FAM222B: variants seen among roughly 807,000 people sequenced by gnomAD.
FAM222B encodes the protein protein FAM222B.
Under a neutral mutation model 38.0 loss-of-function variants are expected in FAM222B, and 12 were observed. That is an observed-to-expected ratio of 0.32 (90% CI 0.20 to 0.51). FAM222B has a LOEUF of 0.51. FAM222B is among the 20% of genes least tolerant of loss of function. FAM222B has a pLI of 0.97. For synonymous variants in FAM222B, 329 were observed against 317.2 expected (o/e 1.04, Z -0.40); for missense variants, 716 against 754.2 (o/e 0.95, Z 0.59).
At chr17:28,792,455 G>T (rs1033379079) in intron 1 of FAM222B, among the ~76,000 whole-genome samples, 1 of 152,044 alleles carries the variant, frequency 6.6e-6, no homozygotes, top group African/African-American at 2.4e-5. Context: ...ACTCCAGCCT[G>T]GGCGACAGAG....
chr17:28,787,826 C>CTTTTTTTTTT (rs59467944), intron 1 of FAM222B, among the ~76,000 whole-genome samples: 2 of 130,190 alleles, frequency 1.5e-5, no homozygotes, highest in African/African-American at 3.0e-5. Flanking sequence ...ATAAAGTAGT[C>CTTTTTTTTTT]TTTTTTTTTT....
chr17:28,810,154 G>A (rs1485730080), intron 1 of FAM222B, among the ~76,000 whole-genome samples: 1 of 151,650 alleles, frequency 6.6e-6, no homozygotes, highest in Admixed American at 6.6e-5. Flanking sequence ...GCACCACCAC[G>A]CCCAGCTAAT....
rs142792320 is a variant in FAM222B at position 28,854,777 on chromosome 17, A to ACG, written c.-41+172_-41+173insCG. On this transcript the variant is annotated intron_variant, in intron 1 of 2. Coordinates refer to the FAM222B transcript ENST00000577513. ...ACATGGCCAGAAGGGCCGTTTACAA[A>ACG]ACTTTGGCAGAAGAAAAAAATACGT... is the stretch of plus-strand genomic sequence containing the variant. Among the ~76,000 whole-genome samples the ACG allele has an allele frequency of 8.6e-3, 1,313 of 152,304 alleles. 8 individuals carry two copies. Among genetic ancestry groups the ACG allele is most frequent in the Non-Finnish European group, 0.014 (970 of 68,014 alleles).
intron 1 of FAM222B, among the ~76,000 whole-genome samples, chr17:28,792,249 T>C (rs1172030396): frequency 6.6e-6 from 1 of 150,904 alleles, no homozygotes; most frequent in Non-Finnish European, 1.5e-5. Context: ...GAGGCGGAGC[T>C]TGCAGTGAGC....
chr17:28,837,436 A>AT (rs1286111417), intron 1 of FAM222B, among the ~76,000 whole-genome samples: 2 of 151,214 alleles, frequency 1.3e-5, no homozygotes, highest in Admixed American at 6.6e-5. Context: ...TCTCAAAAAA[A>AT]AAAAAAATAA....
chr17:28,770,949 T>A lies in FAM222B; in HGVS notation c.-40-4242A>T, dbSNP rs1401195838. ...TATGATTAAGAGGCAATTATATATA[T>A]ATATGTGTGTGTGTATAAATATGTG... On this transcript the variant is annotated intron_variant, in intron 1 of 2. Coordinates refer to ENST00000581407, the MANE Select transcript of FAM222B (RefSeq NM_001077498.3). Among the ~76,000 whole-genome samples the A allele has an allele frequency of 3.3e-5, 5 of 151,782 alleles. No homozygotes were observed. The East Asian group carries it at 7.7e-4, about 23-fold the overall frequency.
At chr17:28,849,149 T>TA (rs1302468169) in intron 1 of FAM222B, 5 of 151,546 alleles carry the variant, frequency 3.3e-5, no homozygotes, top group Non-Finnish European at 7.4e-5. Flanking sequence ...TAGTCCCAGC[T>TA]ACTGGGGAGG....
chr17:28,778,718 TA>T (rs1368854915), intron 1 of FAM222B, among the ~76,000 whole-genome samples: 447 of 75,644 alleles, frequency 5.9e-3, no homozygotes, highest in African/African-American at 0.013. Flanking sequence ...TATATATATA[TA>T]TTTTTTTTTT....
chr17:28,800,645 C>CTTT (rs1398862532), intron 1 of FAM222B, among the ~76,000 whole-genome samples: 1 of 152,028 alleles, frequency 6.6e-6, no homozygotes, highest in Non-Finnish European at 1.5e-5. Context: ...AGTCAAAGGA[C>CTTT]TTTTCTTAAA....
chr17:28,801,840 T>C (rs2037245649), intron 1 of FAM222B, among the ~76,000 whole-genome samples: 1 of 152,034 alleles, frequency 6.6e-6, no homozygotes, highest in South Asian at 2.1e-4. Context: ...ATGGTAGAAG[T>C]GCTTAGCTTT....
At chr17:28,779,923 G>A (rs2036091953) in intron 1 of FAM222B, among the ~76,000 whole-genome samples, 2 of 151,636 alleles carry the variant, frequency 1.3e-5, no homozygotes, top group South Asian at 4.2e-4. Context: ...ACGGTGGACA[G>A]CTGAATGCTT....
intron 1 of FAM222B, among the ~76,000 whole-genome samples, chr17:28,800,016 G>C (rs556764640): frequency 6.6e-6 from 1 of 151,802 alleles, no homozygotes; most frequent in South Asian, 2.1e-4. Context: ...CATTTCTCTG[G>C]TTGAGCAATG....
At chr17:28,821,745 T>C (rs537414621) in intron 1 of FAM222B, among the ~76,000 whole-genome samples, 1 of 152,016 alleles carries the variant, frequency 6.6e-6, no homozygotes, top group Non-Finnish European at 1.5e-5. Flanking sequence ...GTGGATCACA[T>C]GAGGTCAGGA....
At chr17:28,767,189 CTT>C (rs1471113177) in intron 1 of FAM222B, 3 of 153,160 alleles carry the variant, frequency 2.0e-5, no homozygotes, top group East Asian at 1.9e-4. Flanking sequence ...GAGTTTCACT[CTT>C]GTTGCCCAGG....
At chr17:28,816,698 C>A (rs2038038692) in intron 1 of FAM222B, among the ~76,000 whole-genome samples, 1 of 152,074 alleles carries the variant, frequency 6.6e-6, no homozygotes, top group African/African-American at 2.4e-5. Context: ...AAGACAATTT[C>A]CTCATAAAGA....
chr17:28,798,749 C>T (rs1292462300), intron 1 of FAM222B, among the ~76,000 whole-genome samples: 2 of 150,406 alleles, frequency 1.3e-5, no homozygotes, highest in Non-Finnish European at 3.0e-5. Flanking sequence ...ATTCTCCTGT[C>T]TCAGCCTCCT....
chr17:28,835,792 C>T (rs1224419007), intron 1 of FAM222B, among the ~76,000 whole-genome samples: 1 of 152,060 alleles, frequency 6.6e-6, no homozygotes, highest in Non-Finnish European at 1.5e-5. Context: ...CCACCTCAGC[C>T]TCCCAAGTAC....
intron 1 of FAM222B, among the ~76,000 whole-genome samples, chr17:28,816,660 AC>A (rs1483006406): frequency 1.3e-5 from 2 of 152,158 alleles, no homozygotes; most frequent in Non-Finnish European, 2.9e-5. Flanking sequence ...CAATGATTGC[AC>A]CCGAAAAGAA....
At chr17:28,854,295 G>T (rs535659503) in intron 1 of FAM222B, among the ~76,000 whole-genome samples, 4 of 152,306 alleles carry the variant, frequency 2.6e-5, no homozygotes, top group African/African-American at 9.6e-5. Flanking sequence ...AGGGCTCAAG[G>T]CCTCAAACAG....
Sources: gnomAD v4.1 joint callset for allele counts (sites outside exome capture counted in the v4.1 genomes callset) on GRCh38, gnomAD v4.1.1 for gene constraint, MANE v1.5 for transcripts, NCBI Gene and HGNC (gene_info 2026-07-23, HGNC 2026-07-21) for gene names.